The following FGF12 variants were observed in gnomAD, a reference collection of about 807,000 sequenced individuals.
FGF12 encodes the protein fibroblast growth factor 12.
In FGF12, 14 loss-of-function variants were observed where a neutral mutation model predicts 23.6. The ratio of observed to expected loss-of-function variants is 0.59; its 90% confidence interval spans 0.39 to 0.93. The LOEUF is 0.93. FGF12 is among the 40% of genes least tolerant of loss of function. FGF12 has a pLI of 0.00. For missense variants in FGF12, 175 were observed against 217.8 expected (o/e 0.80, Z 1.24); for synonymous variants, 62 against 77.3 (o/e 0.80, Z 1.04).
intron 2 of FGF12, among the ~76,000 whole-genome samples, chr3:192,708,249 T>G (rs6765184): frequency 0.55 from 83,397 of 151,962 alleles, 23,740 homozygotes; most frequent in East Asian, 0.84. Context: ...GTGAACTGCC[T>G]TGTCCAGCCA....
intron 3 of FGF12, among the ~76,000 whole-genome samples, chr3:192,346,806 T>A (rs760493741): frequency 2.6e-5 from 4 of 152,124 alleles, no homozygotes; most frequent in Non-Finnish European, 4.4e-5. Flanking sequence ...CAGGAAGGGG[T>A]ACTTCAGCCA....
chr3:192,157,349 T>C (rs1175347946), intron 5 of FGF12, among the ~76,000 whole-genome samples: 3 of 152,244 alleles, frequency 2.0e-5, no homozygotes, highest in Admixed American at 6.5e-5. Flanking sequence ...TCTGTGATGA[T>C]ATATGGTATT....
At chr3:192,436,945 C>A (rs1180722729) in intron 2 of FGF12, among the ~76,000 whole-genome samples, 2 of 152,164 alleles carry the variant, frequency 1.3e-5, no homozygotes, top group Non-Finnish European at 2.9e-5. Context: ...TAAAAAATTT[C>A]TTGAGTGCTC....
chr3:192,656,013 G>T (rs1025982618), intron 2 of FGF12, among the ~76,000 whole-genome samples: 1 of 75,256 alleles, frequency 1.3e-5, no homozygotes, highest in Non-Finnish European at 2.6e-5. Context: ...TGCCAGAAAA[G>T]AAATTCCCTC....
chr3:192,383,464 T>TA (rs1313367768), intron 2 of FGF12, among the ~76,000 whole-genome samples: 1 of 149,834 alleles, frequency 6.7e-6, no homozygotes, highest in Non-Finnish European at 1.5e-5. Flanking sequence ...TGAACCCAGA[T>TA]AAACCTTTGA....
chr3:192,660,506 A>AT (rs373187485), intron 2 of FGF12, among the ~76,000 whole-genome samples: 3,211 of 148,586 alleles, frequency 0.022, 55 homozygotes, highest in Non-Finnish European at 0.032. Flanking sequence ...AACTTAAAGT[A>AT]TAAAAAAAAA....
At chr3:192,497,244 C>G (rs746033880) in intron 2 of FGF12, among the ~76,000 whole-genome samples, 2 of 152,144 alleles carry the variant, frequency 1.3e-5, no homozygotes, top group Admixed American at 1.3e-4. Flanking sequence ...TACTTGAGTC[C>G]TTTTTGAGGA....
Position 192,143,770 on chromosome 3 carries a change from G to T in FGF12, c.*239C>A. 9.7e-6 allele frequency: 4 copies of T among 412,414 alleles called. No individual in the cohort carries two copies. Among genetic ancestry groups the T allele is most frequent in the Non-Finnish European group, 1.7e-5 (4 of 232,340 alleles). 25.5% of individuals were successfully genotyped at this position (412,414 alleles called of 1,614,324 possible). A position where few individuals can be genotyped will look rare whatever the true frequency, so the allele number is the denominator to read the frequency against. On this transcript the variant is annotated 3_prime_UTR_variant, in exon 6 of 6. Transcript: ENST00000445105. ...GGAGTTCTGATTTATTTTTTCCTTT[G>T]CTTTTAAGTGTGCTAATCTTTGTGC...
intron 4 of FGF12, among the ~76,000 whole-genome samples, chr3:192,298,793 A>G (rs1684432420): frequency 6.6e-6 from 1 of 152,192 alleles, no homozygotes. Flanking sequence ...AGACTTTACA[A>G]GAAGCATGGC....
chr3:192,566,536 T>A (rs903774814), intron 2 of FGF12, among the ~76,000 whole-genome samples: 4 of 152,158 alleles, frequency 2.6e-5, no homozygotes, highest in Admixed American at 1.3e-4. Flanking sequence ...GCAGGAAATG[T>A]TAGAATTCAA....
intron 2 of FGF12, among the ~76,000 whole-genome samples, chr3:192,619,535 C>A (rs562076957): frequency 6.6e-6 from 1 of 152,186 alleles, no homozygotes; most frequent in Non-Finnish European, 1.5e-5. Flanking sequence ...ATAGCCATGG[C>A]CTTTACTGAC....
intron 4 of FGF12, among the ~76,000 whole-genome samples, chr3:192,270,798 A>G (rs1277041150): frequency 1.5e-5 from 1 of 67,772 alleles, no homozygotes; most frequent in Non-Finnish European, 3.0e-5. Flanking sequence ...GAAGGAAGGA[A>G]GGAAGGAAGG....
chr3:192,598,170 A>G (rs1227557531), intron 2 of FGF12, among the ~76,000 whole-genome samples: 1 of 152,252 alleles, frequency 6.6e-6, no homozygotes, highest in Non-Finnish European at 1.5e-5. Flanking sequence ...GATGTACTAC[A>G]GTCTAACTGG....
chr3:192,560,454 T>C (rs574835985), intron 2 of FGF12, among the ~76,000 whole-genome samples: 1 of 152,072 alleles, frequency 6.6e-6, no homozygotes, highest in South Asian at 2.1e-4. Context: ...AACCCTAACA[T>C]AGGTACTGTT....
intron 2 of FGF12, among the ~76,000 whole-genome samples, chr3:192,638,860 G>A (rs1715682407): frequency 6.6e-6 from 1 of 152,176 alleles, no homozygotes; most frequent in African/African-American, 2.4e-5. Flanking sequence ...AGGAGGCATT[G>A]AAGAATTAAT....
chr3:192,486,192 C>T (rs1430602806), intron 2 of FGF12, among the ~76,000 whole-genome samples: 4 of 152,106 alleles, frequency 2.6e-5, no homozygotes, highest in Non-Finnish European at 5.9e-5. Flanking sequence ...TATTGAATGC[C>T]TCCTGTGTGT....
chr3:192,587,789 C>G (rs1484820087), intron 2 of FGF12, among the ~76,000 whole-genome samples: 3 of 151,856 alleles, frequency 2.0e-5, no homozygotes, highest in Non-Finnish European at 2.9e-5. Flanking sequence ...TCGCTGTATT[C>G]CAGCTGGGTG....
chr3:192,525,901 A>C (rs749900620), intron 2 of FGF12, among the ~76,000 whole-genome samples: 1 of 152,282 alleles, frequency 6.6e-6, no homozygotes, highest in Non-Finnish European at 1.5e-5. Context: ...CAGCCTCCTG[A>C]GTAGCTGGGA....
chr3:192,633,732 G>C (rs1046470055), intron 2 of FGF12, among the ~76,000 whole-genome samples: 2 of 152,122 alleles, frequency 1.3e-5, no homozygotes, highest in African/African-American at 4.8e-5. Context: ...AACTATCTGT[G>C]ACAGTCCTAT....
Sources: allele counts gnomAD v4.1 joint callset (sites outside exome capture counted in the v4.1 genomes callset), GRCh38; gene constraint gnomAD v4.1.1; transcripts MANE v1.5; gene names NCBI Gene and HGNC (gene_info 2026-07-23, HGNC 2026-07-21).